Variants in SLC35F3 observed in about 807,000 individuals in gnomAD.
SLC35F3 encodes the protein putative thiamine transporter SLC35F3.
Under a neutral mutation model 49.9 loss-of-function variants are expected in SLC35F3, and 25 were observed. That is an observed-to-expected ratio of 0.50 (90% CI 0.37 to 0.70). The LOEUF (loss-of-function observed/expected upper bound fraction) is 0.70, where lower values mean the gene tolerates loss of function less well. Ranked by LOEUF, SLC35F3 falls within the 30% of genes least tolerant of loss-of-function variation. SLC35F3 has a pLI of 0.00. For synonymous variants in SLC35F3, 275 were observed against 265.4 expected (o/e 1.04, Z -0.35); for missense variants, 525 against 639.8 (o/e 0.82, Z 1.94).
intron 2 of SLC35F3, among the ~76,000 whole-genome samples, chr1:233,974,174 C>CTTTTTTTTTTTTTT (rs757673463): frequency 2.4e-5 from 2 of 83,096 alleles, no homozygotes; most frequent in African/African-American, 5.7e-5. Flanking sequence ...ATTTCTATTT[C>CTTTTTTTTTTTTTT]TTTTTTTTTT....
chr1:234,090,268 A>G (rs1665022197), intron 2 of SLC35F3, among the ~76,000 whole-genome samples: 1 of 152,274 alleles, frequency 6.6e-6, no homozygotes, highest in Non-Finnish European at 1.5e-5. Context: ...AAAGAGACAA[A>G]CCTTTGCCTT....
At chr1:234,268,720 A>G (rs1172154110) in intron 3 of SLC35F3, 1 of 152,102 alleles carries the variant, frequency 6.6e-6, no homozygotes, top group Non-Finnish European at 1.5e-5. Flanking sequence ...TGGGGATCTC[A>G]TGTTGAAATA....
At chr1:234,029,090 C>T (rs1664019984) in intron 2 of SLC35F3, among the ~76,000 whole-genome samples, 1 of 152,262 alleles carries the variant, frequency 6.6e-6, no homozygotes, top group Admixed American at 6.5e-5. Context: ...TTCTTTCATT[C>T]GAAAAACATC....
chr1:234,298,449 A>AAG (rs1668639753), intron 3 of SLC35F3, among the ~76,000 whole-genome samples: 1 of 152,250 alleles, frequency 6.6e-6, no homozygotes, highest in Non-Finnish European at 1.5e-5. Context: ...AAAGGTATGA[A>AAG]AGAAGGATAA....
Position 233,957,910 on chromosome 1 carries a change from C to G in SLC35F3, c.283+52152C>G, listed in dbSNP as rs559649142. The stretch of plus-strand genomic sequence containing the variant: ...GCTCTTCTGCTGGTAGTTCTTGAGG[C>G]CTTTTATATGTTTGTGGTCAAGTGG... On this transcript the variant is annotated intron_variant, in intron 2 of 7. Coordinates refer to ENST00000366618, the MANE Select transcript of SLC35F3 (RefSeq NM_173508.4). The surrounding 1 kb of genome is among the most constrained non-coding windows in gnomAD (Gnocchi z 4.0). Among the ~76,000 whole-genome samples, 1 of 152,214 alleles carries G rather than the reference C, an allele frequency of 6.6e-6. No individual in the cohort carries two copies. Among genetic ancestry groups the G allele is most frequent in the South Asian group, 2.1e-4 (1 of 4,808 alleles).
intron 2 of SLC35F3, among the ~76,000 whole-genome samples, chr1:234,004,845 C>T (rs1478821756): frequency 1.3e-5 from 2 of 152,120 alleles, no homozygotes; most frequent in Non-Finnish European, 2.9e-5. Flanking sequence ...TCTTTATTTT[C>T]AAATGGCTTT....
At position 234,316,746 on chromosome 1, in the gene SLC35F3, C is replaced by T. The variant is rs139270194; in HGVS notation, c.954+19C>T. On this transcript the variant is annotated intron_variant, in intron 5 of 7. Transcript: ENST00000366618. ...CTACAAGGTACGCCCGGGGAGTGAA[C>T]TTTCTCAGCTGGCTGGGCTCTCCTC... 6.2e-3 allele frequency: 9,832 copies of T among 1,587,484 alleles called. 692 individuals are homozygous for T. In the Admixed American group the frequency reaches 0.13, roughly 21 times the overall value.
chr1:234,216,603 G>A (rs10910383), intron 2 of SLC35F3, among the ~76,000 whole-genome samples: 26,691 of 152,210 alleles, frequency 0.18, 3,903 homozygotes, highest in East Asian at 0.8. Context: ...GCCTCGCCAC[G>A]GGCTTGGCTT....
At chr1:234,058,641 A>G (rs1402242310) in intron 2 of SLC35F3, among the ~76,000 whole-genome samples, 1 of 152,130 alleles carries the variant, frequency 6.6e-6, no homozygotes, top group African/African-American at 2.4e-5. Context: ...CATTGTGCCC[A>G]GTCCCTGGAT....
intron 3 of SLC35F3, among the ~76,000 whole-genome samples, chr1:234,297,759 A>C (rs977051264): frequency 1.4e-5 from 2 of 138,598 alleles, no homozygotes; most frequent in East Asian, 2.2e-4. Flanking sequence ...AAAAAAAAAA[A>C]ACAGTTAAAC....
chr1:233,990,819 A>T (rs1663343414), intron 2 of SLC35F3, among the ~76,000 whole-genome samples: 1 of 152,244 alleles, frequency 6.6e-6, no homozygotes, highest in Admixed American at 6.5e-5. Flanking sequence ...CAATATGTGT[A>T]AACTGTTTAA....
chr1:234,105,465 G>A (rs1665272673), intron 2 of SLC35F3, among the ~76,000 whole-genome samples: 1 of 152,180 alleles, frequency 6.6e-6, no homozygotes, highest in South Asian at 2.1e-4. Context: ...TTCTCTTTCA[G>A]ATGGGGCTTT....
chr1:234,125,868 A>G (rs1190800578), intron 2 of SLC35F3, among the ~76,000 whole-genome samples: 1 of 152,048 alleles, frequency 6.6e-6, no homozygotes, highest in Admixed American at 6.5e-5. Context: ...CTCGTTCCCT[A>G]GTGACTCAGA....
intron 2 of SLC35F3, among the ~76,000 whole-genome samples, chr1:234,119,230 G>A (rs929958420): frequency 2.0e-5 from 3 of 151,840 alleles, no homozygotes; most frequent in African/African-American, 7.3e-5. Flanking sequence ...CAAATGCTTT[G>A]CTGCCTGGGC....
chr1:234,255,511 A>G (rs1291911113), intron 3 of SLC35F3, among the ~76,000 whole-genome samples: 1 of 152,222 alleles, frequency 6.6e-6, no homozygotes, highest in Non-Finnish European at 1.5e-5. Context: ...GTGTTTACCC[A>G]AATGAGCTGA....
chr1:233,971,133 A>G (rs1325845650), intron 2 of SLC35F3, among the ~76,000 whole-genome samples: 2 of 152,214 alleles, frequency 1.3e-5, no homozygotes, highest in African/African-American at 2.4e-5. Flanking sequence ...CTGAATCTGA[A>G]TGGCATTGAT....
intron 2 of SLC35F3, among the ~76,000 whole-genome samples, chr1:233,916,321 G>T (rs150013218): frequency 0.01 from 1,585 of 152,258 alleles, 29 homozygotes; most frequent in African/African-American, 0.037. Flanking sequence ...AGCCTGGAGT[G>T]CAGTGGCACA....
intron 2 of SLC35F3, among the ~76,000 whole-genome samples, chr1:234,186,401 A>T (rs759466343): frequency 6.6e-6 from 1 of 152,220 alleles, no homozygotes; most frequent in Non-Finnish European, 1.5e-5. Context: ...ACTGATGCCA[A>T]ATTTCAGTGG....
chr1:234,263,765 C>T (rs1667939095), intron 3 of SLC35F3, among the ~76,000 whole-genome samples: 1 of 152,196 alleles, frequency 6.6e-6, no homozygotes, highest in Admixed American at 6.5e-5. Context: ...AAAGCTAGGA[C>T]ACTTGTGCTC....
Sources: gnomAD v4.1 joint callset for allele counts (sites outside exome capture counted in the v4.1 genomes callset) on GRCh38, gnomAD v4.1.1 for gene constraint, Gnocchi (gnomAD v3.1) non-coding constraint, MANE v1.5 for transcripts, NCBI Gene and HGNC (gene_info 2026-07-23, HGNC 2026-07-21) for gene names.